Variants in MNAT1 observed in about 807,000 individuals in gnomAD.
MNAT1 encodes the protein MNAT1 component of CDK activating kinase, also known as CDK-activating kinase assembly factor MAT1.
Under a neutral mutation model 42.0 loss-of-function variants are expected in MNAT1, and 43 were observed. The observed-to-expected ratio is 1.02, with a 90% CI of 0.80 to 1.32. The LOEUF (loss-of-function observed/expected upper bound fraction) is 1.32, where lower values mean the gene tolerates loss of function less well. MNAT1 is among the 40% of genes most tolerant of loss of function. The pLI, the probability that MNAT1 is intolerant of heterozygous loss-of-function variation, is 0.00. For missense variants in MNAT1, 306 were observed against 350.4 expected (o/e 0.87, Z 1.01); for synonymous variants, 118 against 120.0 (o/e 0.98, Z 0.11).
chr14:60,839,751 C>T (rs974331010), intron 6 of MNAT1, among the ~76,000 whole-genome samples: 5 of 152,218 alleles, frequency 3.3e-5, no homozygotes, highest in African/African-American at 1.2e-4. Context: ...GCAGTGGAAG[C>T]CACTTGCGGT....
At chr14:60,962,718 A>G (rs1328321512) in intron 7 of MNAT1, among the ~76,000 whole-genome samples, 1 of 152,214 alleles carries the variant, frequency 6.6e-6, no homozygotes, top group Non-Finnish European at 1.5e-5. Context: ...AATATGAGTA[A>G]TAATAAAGCA....
At chr14:60,768,594 A>G (rs570293399) in intron 1 of MNAT1, among the ~76,000 whole-genome samples, 1 of 152,330 alleles carries the variant, frequency 6.6e-6, no homozygotes, top group African/African-American at 2.4e-5. Flanking sequence ...AATTACTACT[A>G]CTTATACAGA....
chr14:60,969,652 T>G lies in MNAT1; in HGVS notation c.*1303T>G, dbSNP rs2036746377. Reference sequence around the variant, plus strand: ...TACCAGACTGCATATCCTATTCCTGTATCTATTAGGTATTCCCGAACTGAG... The same window carrying G: ...TACCAGACTGCATATCCTATTCCTGGATCTATTAGGTATTCCCGAACTGAG... On this transcript the variant is annotated 3_prime_UTR_variant, in exon 8 of 8. Coordinates refer to ENST00000261245, the MANE Select transcript of MNAT1 (RefSeq NM_002431.4). 1 of 152,186 alleles carries G rather than the reference T, an allele frequency of 6.6e-6. No homozygotes were observed. Among genetic ancestry groups the G allele is most frequent in the South Asian group, 2.1e-4 (1 of 4,832 alleles). The allele number at this position is 152,186 out of a possible 1,614,324, so 9.4% of individuals were successfully genotyped here.
At chr14:60,857,678 A>G (rs1050168539) in intron 6 of MNAT1, among the ~76,000 whole-genome samples, 1 of 152,072 alleles carries the variant, frequency 6.6e-6, no homozygotes. Context: ...GTCCCCATCA[A>G]CTTGTCATTT....
intron 6 of MNAT1, among the ~76,000 whole-genome samples, chr14:60,866,692 A>G (rs891555668): frequency 1.3e-5 from 2 of 152,056 alleles, no homozygotes; most frequent in African/African-American, 4.8e-5. Flanking sequence ...TATGAGCCTT[A>G]TTAGTTCTAA....
At chr14:60,936,301 C>T (rs900403524) in intron 7 of MNAT1, among the ~76,000 whole-genome samples, 1 of 152,096 alleles carries the variant, frequency 6.6e-6, no homozygotes, top group African/African-American at 2.4e-5. Context: ...CGTGTGTATA[C>T]ATGTGTCATG....
intron 7 of MNAT1, among the ~76,000 whole-genome samples, chr14:60,911,425 A>G (rs191111659): frequency 1.1e-4 from 16 of 152,052 alleles, no homozygotes; most frequent in African/African-American, 3.1e-4. Context: ...TAGGGTGTCA[A>G]TTTTAGATCT....
chr14:60,776,831 G>T (rs1051771706), intron 1 of MNAT1, among the ~76,000 whole-genome samples: 6 of 151,912 alleles, frequency 3.9e-5, no homozygotes, highest in African/African-American at 9.7e-5. Flanking sequence ...GGTTTTTTTT[G>T]TTGTTGTTTG....
intron 1 of MNAT1, among the ~76,000 whole-genome samples, chr14:60,783,296 T>C (rs1364659963): frequency 6.6e-6 from 1 of 152,222 alleles, no homozygotes; most frequent in Non-Finnish European, 1.5e-5. Flanking sequence ...GACAGATTTC[T>C]GGCCTGCACT....
intron 4 of MNAT1, among the ~76,000 whole-genome samples, chr14:60,809,330 T>C (rs2032473330): frequency 6.6e-6 from 1 of 152,140 alleles, no homozygotes; most frequent in Non-Finnish European, 1.5e-5. Flanking sequence ...TCAGCATTTC[T>C]TTCCTGCTGT....
At position 60,788,083 on chromosome 14, in the gene MNAT1, G is replaced by T. The variant is rs541461402; in HGVS notation, c.90-8134G>T. On this transcript the variant is annotated intron_variant, in intron 1 of 7. Coordinates refer to ENST00000261245, the MANE Select transcript of MNAT1 (RefSeq NM_002431.4). ...GGAATCATTGTCTGTAGCAGCTACA[G>T]CATTATGACATGTATTACTTAAATA... is the stretch of plus-strand genomic sequence containing the variant. Among the ~76,000 whole-genome samples the T allele has an allele frequency of 3.9e-4, 59 of 152,236 alleles. No individual in the cohort carries two copies. In the South Asian group the frequency reaches 0.012, roughly 32 times the overall value.
intron 1 of MNAT1, chr14:60,779,982 C>G: frequency 6.4e-7 from 1 of 1,560,072 alleles, no homozygotes; most frequent in Non-Finnish European, 8.8e-7. Flanking sequence ...CTGGCCATGG[C>G]GCTGCAGCTC....
At chr14:60,905,906 T>C (rs1480012087) in intron 7 of MNAT1, among the ~76,000 whole-genome samples, 1 of 152,208 alleles carries the variant, frequency 6.6e-6, no homozygotes, top group African/African-American at 2.4e-5. Context: ...AATAATGTTT[T>C]ACCAGCCATC....
At chr14:60,929,936 A>G (rs971038479) in intron 7 of MNAT1, among the ~76,000 whole-genome samples, 3 of 152,112 alleles carry the variant, frequency 2.0e-5, no homozygotes, top group African/African-American at 7.2e-5. Flanking sequence ...AAAACAAACA[A>G]ACACCTAACC....
At chr14:60,918,198 CTTTTTTT>C (rs386381525) in intron 7 of MNAT1, among the ~76,000 whole-genome samples, 4 of 48,620 alleles carry the variant, frequency 8.2e-5, no homozygotes, top group Non-Finnish European at 1.2e-4. Flanking sequence ...ATTAATTGTT[CTTTTTTT>C]TTTTTTTTTT....
At chr14:60,938,021 G>A (rs917638265) in intron 7 of MNAT1, among the ~76,000 whole-genome samples, 7 of 151,388 alleles carry the variant, frequency 4.6e-5, no homozygotes, top group Middle Eastern at 3.4e-3. Flanking sequence ...TCATGATTTG[G>A]CTGTTTGTCT....
At chr14:60,749,664 TTACTC>T (rs1297724002) in intron 1 of MNAT1, among the ~76,000 whole-genome samples, 4 of 151,834 alleles carry the variant, frequency 2.6e-5, no homozygotes, top group East Asian at 3.8e-4. Context: ...TCAAGTAAAT[TTACTC>T]TATAAAGAGT....
chr14:60,932,198 A>G (rs2035903125), intron 7 of MNAT1, among the ~76,000 whole-genome samples: 1 of 152,018 alleles, frequency 6.6e-6, no homozygotes, highest in Admixed American at 6.6e-5. Context: ...AATAAGACTG[A>G]CATACTAGTT....
chr14:60,876,993 T>G (rs2034449724), intron 6 of MNAT1, among the ~76,000 whole-genome samples: 1 of 152,066 alleles, frequency 6.6e-6, no homozygotes, highest in Non-Finnish European at 1.5e-5. Context: ...TGTTTTTAAT[T>G]TTTTGAGGAC....
Sources: allele counts gnomAD v4.1 joint callset (sites outside exome capture counted in the v4.1 genomes callset), GRCh38; gene constraint gnomAD v4.1.1; transcripts MANE v1.5; gene names NCBI Gene and HGNC (gene_info 2026-07-23, HGNC 2026-07-21).